Variants in OPCML observed in about 807,000 individuals in gnomAD.
OPCML encodes opioid binding protein/cell adhesion molecule like, also known as opioid-binding protein/cell adhesion molecule.
In OPCML, 13 loss-of-function variants were observed where a neutral mutation model predicts 37.8. The ratio of observed to expected loss-of-function variants is 0.34; its 90% CI spans 0.22 to 0.55. The LOEUF (loss-of-function observed/expected upper bound fraction) is 0.55. OPCML is among the 20% of genes least tolerant of loss of function. OPCML has a pLI of 0.91. For synonymous variants in OPCML, 176 were observed against 168.8 expected (o/e 1.04, Z -0.33); for missense variants, 341 against 435.6 (o/e 0.78, Z 1.93).
At chr11:133,113,245 A>T (rs974519059) in intron 1 of OPCML, among the ~76,000 whole-genome samples, 1 of 148,678 alleles carries the variant, frequency 6.7e-6, no homozygotes, top group Non-Finnish European at 1.5e-5. Context: ...TGCCATTCAG[A>T]TATCTGTTTT....
intron 1 of OPCML, among the ~76,000 whole-genome samples, chr11:133,153,757 G>T (rs1014685123): frequency 6.9e-6 from 1 of 144,526 alleles, no homozygotes. Flanking sequence ...AGGGAAGGAG[G>T]TTGCTTCCCT....
At chr11:133,335,647 G>A (rs1221545417) in intron 1 of OPCML, among the ~76,000 whole-genome samples, 1 of 152,066 alleles carries the variant, frequency 6.6e-6, no homozygotes, top group African/African-American at 2.4e-5. Flanking sequence ...TTCAACACTG[G>A]AATCGCCTCC....
intron 3 of OPCML, among the ~76,000 whole-genome samples, chr11:132,655,659 G>C (rs1322646637): frequency 6.6e-6 from 1 of 152,204 alleles, no homozygotes; most frequent in Non-Finnish European, 1.5e-5. Context: ...GCAGTGCCAA[G>C]GACTGCTGGG....
At chr11:132,753,676 G>A (rs1259565221) in intron 2 of OPCML, among the ~76,000 whole-genome samples, 1 of 152,176 alleles carries the variant, frequency 6.6e-6, no homozygotes, top group Non-Finnish European at 1.5e-5. Context: ...GGAACTGTGG[G>A]TCTCAGTTGA....
chr11:132,728,366 G>A (rs1043225448), intron 2 of OPCML, among the ~76,000 whole-genome samples: 8 of 152,144 alleles, frequency 5.3e-5, no homozygotes, highest in African/African-American at 1.9e-4. Flanking sequence ...CTGAGGCCCT[G>A]GAATCACTGT....
At chr11:133,024,631 C>G (rs1947515309) in intron 1 of OPCML, 2 of 932,188 alleles carry the variant, frequency 2.1e-6, no homozygotes, top group Non-Finnish European at 2.6e-6. Flanking sequence ...TCAAGCAAGT[C>G]TCAGACTTTC....
chr11:133,139,403 G>C (rs1036730378), intron 1 of OPCML, among the ~76,000 whole-genome samples: 11 of 152,124 alleles, frequency 7.2e-5, no homozygotes, highest in African/African-American at 2.7e-4. Flanking sequence ...CCACTTTACA[G>C]GTGAAAAAAC....
chr11:133,505,635 C>T (rs1477925920), intron 1 of OPCML, among the ~76,000 whole-genome samples: 1 of 152,228 alleles, frequency 6.6e-6, no homozygotes, highest in Non-Finnish European at 1.5e-5. Flanking sequence ...CTCTTTGTCA[C>T]CCATAGACAT....
chr11:132,531,140 A>G (rs2096323952), intron 3 of OPCML, among the ~76,000 whole-genome samples: 1 of 152,228 alleles, frequency 6.6e-6, no homozygotes, highest in Non-Finnish European at 1.5e-5. Flanking sequence ...TCTACTCCTC[A>G]GTGTAAATCA....
chr11:133,494,839 T>C lies in OPCML; in HGVS notation c.61+37425A>G, dbSNP rs1047522328. Among the ~76,000 whole-genome samples, 64 of 151,452 alleles carry C rather than the reference T, an allele frequency of 4.2e-4. 2 individuals are homozygous for C. In the East Asian group the frequency reaches 0.011, roughly 27 times the overall value. ...ATACATATGTAACTAACCTGCACAT[T>C]GTGCACATGTACCCTAAAACTTAAA... is the stretch of plus-strand genomic sequence containing the variant. On this transcript the variant is annotated intron_variant, in intron 1 of 7. Coordinates refer to ENST00000524381, the MANE Select transcript of OPCML (RefSeq NM_001012393.5).
intron 2 of OPCML, among the ~76,000 whole-genome samples, chr11:132,709,750 C>T (rs534837877): frequency 1.3e-5 from 2 of 152,186 alleles, no homozygotes; most frequent in Non-Finnish European, 2.9e-5. Flanking sequence ...GGAGATTAAG[C>T]TCCACCTCCA....
intron 1 of OPCML, among the ~76,000 whole-genome samples, chr11:133,442,726 C>T (rs1053766200): frequency 5.7e-5 from 8 of 141,448 alleles, no homozygotes; most frequent in South Asian, 2.4e-4. Flanking sequence ...CATATTTAAA[C>T]GTGTGTGTGT....
At chr11:132,791,630 C>A (rs1368164044) in intron 2 of OPCML, among the ~76,000 whole-genome samples, 1 of 152,102 alleles carries the variant, frequency 6.6e-6, no homozygotes, top group Non-Finnish European at 1.5e-5. Context: ...TAAAACCCTG[C>A]CTCAAAGTGA....
chr11:133,010,164 T>C (rs909173088), intron 1 of OPCML, among the ~76,000 whole-genome samples: 1 of 152,182 alleles, frequency 6.6e-6, no homozygotes, highest in Non-Finnish European at 1.5e-5. Flanking sequence ...AACCCTCCAC[T>C]TGGGAGTTGG....
chr11:132,472,041 C>G (rs1018373264), intron 4 of OPCML, among the ~76,000 whole-genome samples: 3 of 152,202 alleles, frequency 2.0e-5, no homozygotes, highest in Non-Finnish European at 4.4e-5. Context: ...CTCCCTTTTC[C>G]TGGTGAACAA....
At chr11:132,700,936 A>G (rs1273776362) in intron 2 of OPCML, among the ~76,000 whole-genome samples, 2 of 152,172 alleles carry the variant, frequency 1.3e-5, no homozygotes, top group African/African-American at 4.8e-5. Context: ...TCATTCTGCT[A>G]ATGTTTGCTT....
At chr11:132,775,693 G>A (rs1442480909) in intron 2 of OPCML, among the ~76,000 whole-genome samples, 8 of 152,204 alleles carry the variant, frequency 5.3e-5, no homozygotes, top group Admixed American at 2.0e-4. Context: ...AAAGTACCTC[G>A]GGTGCCTGGC....
In OPCML at chr11:132,943,038, G is replaced by T. The variant is rs1414036149; in HGVS notation, c.62-28C>A. 1 of 1,614,070 alleles carries T rather than the reference G, an allele frequency of 6.2e-7. No individual in the cohort carries two copies. The highest frequency in any genetic ancestry group is 8.5e-7 in the Non-Finnish European group (1 of 1,180,030). ...GTGGGTACAAGGAACAGCAGCCTGAGAGACACGACCACGAGGCACTTCCAG... is the reference window on the plus strand; with the variant it reads ...GTGGGTACAAGGAACAGCAGCCTGATAGACACGACCACGAGGCACTTCCAG... On this transcript the variant is annotated intron_variant, in intron 1 of 7. Coordinates refer to ENST00000524381, the MANE Select transcript of OPCML (RefSeq NM_001012393.5). The surrounding 1 kb of genome is among the most constrained non-coding windows in gnomAD (Gnocchi z 4.3).
intron 2 of OPCML, among the ~76,000 whole-genome samples, chr11:132,800,816 A>G (rs112590591): frequency 9.9e-5 from 15 of 152,106 alleles, no homozygotes; most frequent in African/African-American, 3.4e-4. Context: ...TGCATTTTTA[A>G]AAGTTTCTGA....
Sources: allele counts gnomAD v4.1 joint callset (sites outside exome capture counted in the v4.1 genomes callset), GRCh38; gene constraint gnomAD v4.1.1; non-coding constraint Gnocchi (gnomAD v3.1); transcripts MANE v1.5; gene names NCBI Gene and HGNC (gene_info 2026-07-23, HGNC 2026-07-21).